The following GJB7 variants were observed in gnomAD, a reference collection of about 807,000 sequenced individuals.
GJB7 encodes gap junction beta-7 protein.
For missense variants in GJB7, 253 were observed against 256.8 expected, an observed-to-expected ratio of 0.99 and a Z score of 0.10; for synonymous variants, 87 against 95.2, an observed-to-expected ratio of 0.91 and a Z score of 0.50.
chr6:87,292,853 G>C (rs975357713), intron 2 of GJB7, among the ~76,000 whole-genome samples: 4 of 152,174 alleles, frequency 2.6e-5, no homozygotes, highest in African/African-American at 9.7e-5. Context: ...AGGAGCTAGA[G>C]ATGAAACCCA....
At chr6:87,289,100 A>G (rs1776117766) in intron 2 of GJB7, among the ~76,000 whole-genome samples, 1 of 152,046 alleles carries the variant, frequency 6.6e-6, no homozygotes, top group East Asian at 1.9e-4. Flanking sequence ...CACATCTCCA[A>G]AGGATACTGG....
rs537783564 is a variant in GJB7, at chr6:87,307,453, A to G, written c.-28+15413T>C. On this transcript the variant is annotated intron_variant, in intron 2 of 2. Transcript: ENST00000525899. The stretch of plus-strand genomic sequence containing the variant: ...GTGAACAGGCAACCTACAGAATGGG[A>G]GACAATTTTTGCAATCTAGTCATCT... 1.8e-4 allele frequency among the ~76,000 whole-genome samples: 27 copies of G among 152,328 alleles called. No individual in the cohort carries two copies. The South Asian group carries it at 3.3e-3, about 19-fold the overall frequency.
At chr6:87,319,109 T>A (rs930101686) in intron 2 of GJB7, among the ~76,000 whole-genome samples, 1 of 152,218 alleles carries the variant, frequency 6.6e-6, no homozygotes, top group Non-Finnish European at 1.5e-5. Context: ...TACAGATTAA[T>A]CTTTGCTTTA....
intron 2 of GJB7, among the ~76,000 whole-genome samples, chr6:87,321,245 G>T (rs1189654911): frequency 1.4e-5 from 2 of 138,114 alleles, no homozygotes; most frequent in South Asian, 4.6e-4. Context: ...AAAAAAAAAA[G>T]ATCTAGTAAG....
At chr6:87,314,539 G>A (rs1027707866) in intron 2 of GJB7, among the ~76,000 whole-genome samples, 5 of 152,192 alleles carry the variant, frequency 3.3e-5, no homozygotes, top group African/African-American at 1.2e-4. Flanking sequence ...AGAAGCTACG[G>A]AATTTTTTAG....
At position 87,283,784 on chromosome 6, in the gene GJB7, G is replaced by A. The variant is rs1215420986; in HGVS notation, c.*457C>T. 6.5e-6 allele frequency: 1 copy of A among 153,378 alleles called. No homozygotes were observed. Among genetic ancestry groups the A allele is most frequent in the Non-Finnish European group, 1.4e-5 (1 of 69,340 alleles). 9.5% of individuals were successfully genotyped at this position (153,378 alleles called of 1,614,324 possible). ...CTTTTTATATTTTCCAGTTCATTGTGCACCAATTGTAATGAGATAGTTAGA... is the reference window on the plus strand; with the variant it reads ...CTTTTTATATTTTCCAGTTCATTGTACACCAATTGTAATGAGATAGTTAGA... On this transcript the variant is annotated 3_prime_UTR_variant, in exon 3 of 3. Coordinates refer to ENST00000525899, the MANE Select transcript of GJB7 (RefSeq NM_198568.3).
chr6:87,288,619 G>A (rs2127897626), intron 2 of GJB7, among the ~76,000 whole-genome samples: 1 of 152,242 alleles, frequency 6.6e-6, no homozygotes, highest in Non-Finnish European at 1.5e-5. Flanking sequence ...TTCACTTTAT[G>A]AAGCACCATC....
intron 2 of GJB7, among the ~76,000 whole-genome samples, chr6:87,314,013 A>T (rs1338681824): frequency 6.6e-6 from 1 of 152,200 alleles, no homozygotes; most frequent in Non-Finnish European, 1.5e-5. Context: ...GCACTAAGAA[A>T]TCTTGTGAGT....
At chr6:87,317,930 A>G (rs1358160718) in intron 2 of GJB7, among the ~76,000 whole-genome samples, 2 of 152,062 alleles carry the variant, frequency 1.3e-5, no homozygotes, top group Non-Finnish European at 2.9e-5. Context: ...ATCTCATATC[A>G]CTTTTAAGGT....
At position 87,283,128 on chromosome 6, in the gene GJB7, AT is replaced by A. The variant is rs1246708749; in HGVS notation, c.*1112del. On this transcript the variant is annotated 3_prime_UTR_variant, in exon 3 of 3. Transcript: ENST00000525899. ...AAAACAAGTGATAAACTTTTAAAACATTTTTGCACCACTGTAACAACATAGT... is the reference window on the plus strand; with the variant it reads ...AAAACAAGTGATAAACTTTTAAAACATTTTGCACCACTGTAACAACATAGT... 1 of 152,234 alleles carries A rather than the reference AT, an allele frequency of 6.6e-6. No individual in the cohort carries two copies. Among genetic ancestry groups the A allele is most frequent in the African/African-American group, 2.4e-5 (1 of 41,462 alleles). The allele number at this position is 152,234 out of a possible 1,614,324, so 9.4% of individuals were successfully genotyped here.
At chr6:87,325,520 TA>T (rs1776796645) in intron 1 of GJB7, among the ~76,000 whole-genome samples, 1 of 149,448 alleles carries the variant, frequency 6.7e-6, no homozygotes, top group South Asian at 2.1e-4. Flanking sequence ...TCTATTGAGA[TA>T]ATCATGTGGT....
chr6:87,310,468 C>T (rs1776499474), intron 2 of GJB7, among the ~76,000 whole-genome samples: 2 of 151,906 alleles, frequency 1.3e-5, no homozygotes, highest in African/African-American at 4.8e-5. Context: ...AGCACCTATA[C>T]AGAATTCATA....
chr6:87,291,444 C>T lies in GJB7; in HGVS notation c.-27-6505G>A, dbSNP rs1017691374. ...AAGGTTTTTAAATTTCCTGTATAAG[C>T]ATTGTCATTTTTAGAGAATCCCCTA... On this transcript the variant is annotated intron_variant, in intron 2 of 2. Transcript: ENST00000525899. Among the ~76,000 whole-genome samples, 11 of 152,280 alleles carry T rather than the reference C, an allele frequency of 7.2e-5. No homozygotes were observed. The South Asian group carries it at 2.3e-3, about 32-fold the overall frequency.
At chr6:87,295,430 C>T (rs533028416) in intron 2 of GJB7, among the ~76,000 whole-genome samples, 2 of 152,230 alleles carry the variant, frequency 1.3e-5, no homozygotes, top group South Asian at 2.1e-4. Context: ...TTGAGGTTTC[C>T]TGTTCAGGGA....
In GJB7 at chr6:87,327,749, C is replaced by T. The variant is rs1198145891; in HGVS notation, c.-206+1389G>A. Among the ~76,000 whole-genome samples, 584 of 144,542 alleles carry T rather than the reference C, an allele frequency of 4.0e-3. 2 individuals are homozygous for T. Among genetic ancestry groups the T allele is most frequent in the Middle Eastern group, 0.011 (3 of 280 alleles). The allele number at this position is 144,542 out of a possible 152,430, so 94.8% of individuals were successfully genotyped here. On this transcript the variant is annotated intron_variant, in intron 1 of 2. Coordinates refer to ENST00000525899, the MANE Select transcript of GJB7 (RefSeq NM_198568.3). Reference sequence around the variant, plus strand: ...TTATGTGTCTTGGAGTTGCTCTTCTCGAGGAGTATCTTTGTGGCGTTCTCT... The same window carrying T: ...TTATGTGTCTTGGAGTTGCTCTTCTTGAGGAGTATCTTTGTGGCGTTCTCT...
At chr6:87,303,118 C>T (rs1442047948) in intron 2 of GJB7, among the ~76,000 whole-genome samples, 2 of 152,206 alleles carry the variant, frequency 1.3e-5, no homozygotes, top group African/African-American at 4.8e-5. Context: ...ACTGCATCAA[C>T]TTATGAGCAA....
intron 2 of GJB7, among the ~76,000 whole-genome samples, chr6:87,308,143 G>A (rs889177820): frequency 3.3e-5 from 5 of 150,690 alleles, no homozygotes; most frequent in Non-Finnish European, 3.0e-5. Flanking sequence ...ACCAAACACC[G>A]CATGTTCTCA....
intron 2 of GJB7, among the ~76,000 whole-genome samples, chr6:87,315,212 T>C (rs563644763): frequency 5.9e-5 from 9 of 152,264 alleles, no homozygotes; most frequent in Admixed American, 5.9e-4. Flanking sequence ...GATTTCATCT[T>C]CCTAGCATCT....
At chr6:87,294,660 T>C (rs77355155) in intron 2 of GJB7, among the ~76,000 whole-genome samples, 4,806 of 152,278 alleles carry the variant, frequency 0.032, 250 homozygotes, top group African/African-American at 0.11. Context: ...TGTTCTGGCC[T>C]GAATAGGGCC....
Sources: allele counts gnomAD v4.1 joint callset (sites outside exome capture counted in the v4.1 genomes callset), GRCh38; gene constraint gnomAD v4.1.1; transcripts MANE v1.5; gene names NCBI Gene and HGNC (gene_info 2026-07-23, HGNC 2026-07-21).